Variants in SPMIP4 observed in about 807,000 individuals in gnomAD.
The protein encoded by SPMIP4 is sperm microtubule inner protein 4.
the SPMIP4 span, among the ~76,000 whole-genome samples, chr7:25,158,317 T>A: frequency 6.8e-6 from 1 of 146,706 alleles, no homozygotes; most frequent in Non-Finnish European, 1.5e-5. Context: ...TGCAGTGAGC[T>A]GTGATGGCAC....
the SPMIP4 span, among the ~76,000 whole-genome samples, chr7:25,152,877 G>A: frequency 4.0e-5 from 6 of 151,532 alleles, no homozygotes; most frequent in African/African-American, 7.3e-5. Context: ...CCAATTAGCC[G>A]GGACTACAGG....
At chr7:25,156,575 T>C in the SPMIP4 span, among the ~76,000 whole-genome samples, 1 of 152,306 alleles carries the variant, frequency 6.6e-6, no homozygotes, top group African/African-American at 2.4e-5. Context: ...CTTAATAATT[T>C]CTGTTAAGCT....
the SPMIP4 span, chr7:25,180,344 A>G: frequency 6.6e-6 from 1 of 152,286 alleles, no homozygotes; most frequent in Non-Finnish European, 1.5e-5. Flanking sequence ...GTCGGAGGCG[A>G]GAGGGGCTCT....
chr7:25,131,564 C>T, the SPMIP4 span, among the ~76,000 whole-genome samples: 5 of 152,142 alleles, frequency 3.3e-5, no homozygotes, highest in East Asian at 1.9e-4. The surrounding 1 kb of genome is among the most constrained non-coding windows in gnomAD (Gnocchi z 4.2). Context: ...ATTATTGTTA[C>T]GGTGGGGGAG....
the SPMIP4 span, among the ~76,000 whole-genome samples, chr7:25,154,478 C>G: frequency 2.6e-5 from 4 of 152,182 alleles, no homozygotes; most frequent in African/African-American, 9.7e-5. Flanking sequence ...TGATAAAACA[C>G]ATTCACAAAG....
chr7:25,136,422 TA>T, the SPMIP4 span: 1 of 1,614,196 alleles, frequency 6.2e-7, no homozygotes, highest in Non-Finnish European at 8.5e-7. This position sits in a 1 kb window ranked among gnomAD's most constrained non-coding sequence, Gnocchi z 5.7. Context: ...GTCTCCAGTA[TA>T]AATCTTCTGT....
chr7:25,158,433 A>T, the SPMIP4 span: 3 of 1,169,738 alleles, frequency 2.6e-6, no homozygotes, highest in Non-Finnish European at 3.8e-6. Flanking sequence ...CACTTCTAAG[A>T]CATAGGAAAT....
At chr7:25,142,468 C>A in the SPMIP4 span, 2 of 831,508 alleles carry the variant, frequency 2.4e-6, no homozygotes, top group Non-Finnish European at 3.6e-6. Context: ...CCCTACCTCC[C>A]AGCTACCTAT....
At chr7:25,133,969 T>C in the SPMIP4 span, among the ~76,000 whole-genome samples, 1 of 152,206 alleles carries the variant, frequency 6.6e-6, no homozygotes, top group East Asian at 1.9e-4. Context: ...ATGACAAAAA[T>C]AGAGTTACTA....
chr7:25,148,477 C>CTTTTTTT, the SPMIP4 span, among the ~76,000 whole-genome samples: 133 of 128,170 alleles, frequency 1.0e-3, 7 homozygotes, highest in East Asian at 2.8e-3. Flanking sequence ...GAATCTGCCT[C>CTTTTTTT]TTTTTTTTTT....
At chr7:25,133,487 T>G in the SPMIP4 span, among the ~76,000 whole-genome samples, 1 of 152,348 alleles carries the variant, frequency 6.6e-6, no homozygotes, top group South Asian at 2.1e-4. Flanking sequence ...GAGGATAGAA[T>G]GGTTCAAGGC....
the SPMIP4 span, chr7:25,168,459 C>T: frequency 6.3e-7 from 1 of 1,578,704 alleles, no homozygotes; most frequent in Non-Finnish European, 8.6e-7. Context: ...CCCTTAATTC[C>T]TGATACCTGT....
the SPMIP4 span, among the ~76,000 whole-genome samples, chr7:25,165,081 CAT>C: frequency 9.2e-5 from 14 of 152,144 alleles, no homozygotes; most frequent in Admixed American, 6.5e-4. Flanking sequence ...CTGCTATAAA[CAT>C]GTGTGTACAA....
At chr7:25,158,201 CTACAAAAAT>C in the SPMIP4 span, among the ~76,000 whole-genome samples, 1 of 150,460 alleles carries the variant, frequency 6.6e-6, no homozygotes, top group Admixed American at 6.6e-5. Flanking sequence ...GAACCCATCT[CTACAAAAAT>C]TACAAAAATT....
At chr7:25,147,431 G>A in the SPMIP4 span, among the ~76,000 whole-genome samples, 53 of 152,312 alleles carry the variant, frequency 3.5e-4, no homozygotes, top group African/African-American at 1.2e-3. Context: ...GCCCCGAATA[G>A]AGTGATAAGT....
At chr7:25,128,903 G>A in the SPMIP4 span, among the ~76,000 whole-genome samples, 123 of 152,322 alleles carry the variant, frequency 8.1e-4, no homozygotes, top group African/African-American at 2.7e-3. The surrounding 1 kb of genome is among the most constrained non-coding windows in gnomAD (Gnocchi z 4.5). Context: ...AACAGGTTCC[G>A]TTCTGGCCCA....
At chr7:25,153,497 G>C in the SPMIP4 span, among the ~76,000 whole-genome samples, 1 of 151,668 alleles carries the variant, frequency 6.6e-6, no homozygotes, top group Non-Finnish European at 1.5e-5. Flanking sequence ...ACTTGGACCC[G>C]GGAAGCAGAG....
At chr7:25,130,872 T>C in the SPMIP4 span, among the ~76,000 whole-genome samples, 4 of 152,222 alleles carry the variant, frequency 2.6e-5, no homozygotes, top group Non-Finnish European at 5.9e-5. Context: ...CTATGTCAGA[T>C]TTATTTGACT....
the SPMIP4 span, among the ~76,000 whole-genome samples, chr7:25,155,462 G>C: frequency 2.0e-5 from 3 of 152,150 alleles, no homozygotes; most frequent in African/African-American, 7.2e-5. Context: ...TTGTCAGTGA[G>C]TAAGTTTCAT....
Sources: gnomAD v4.1 joint callset for allele counts (sites outside exome capture counted in the v4.1 genomes callset) on GRCh38, gnomAD v4.1.1 for gene constraint, Gnocchi (gnomAD v3.1) non-coding constraint, MANE v1.5 for transcripts, NCBI Gene and HGNC (gene_info 2026-07-23, HGNC 2026-07-21) for gene names.